The following BPTF variants were observed in gnomAD, a reference collection of about 807,000 sequenced individuals.
BPTF encodes bromodomain PHD finger transcription factor, also known as nucleosome-remodeling factor subunit BPTF.
Under a neutral mutation model 292.5 loss-of-function variants are expected in BPTF, and 18 were observed. The observed-to-expected ratio is 0.06, with a 90% confidence interval of 0.04 to 0.09. The LOEUF (loss-of-function observed/expected upper bound fraction) is 0.09. BPTF is among the 10% of genes least tolerant of loss of function. BPTF has a pLI of 1.00. For synonymous variants in BPTF, 1,225 were observed against 1,251.9 expected, an observed-to-expected ratio of 0.98 and a Z score of 0.45; for missense variants, 2,726 against 3,498.7, an observed-to-expected ratio of 0.78 and a Z score of 5.57.
intron 18 of BPTF, among the ~76,000 whole-genome samples, chr17:67,932,720 A>G (rs1201444930): frequency 1.3e-5 from 2 of 152,128 alleles, no homozygotes; most frequent in Non-Finnish European, 2.9e-5. Context: ...AAAAAAGTTG[A>G]AAATGTTAAA....
chr17:67,976,092 C>G, intron 27 of BPTF, 134 bp downstream of exon 27: 1 of 669,784 alleles, frequency 1.5e-6, no homozygotes, highest in Non-Finnish European at 2.3e-6. Context: ...ATAAATAAAT[C>G]AAGACTCCAG....
intron 26 of BPTF, among the ~76,000 whole-genome samples, chr17:67,970,138 CAGG>C (rs782000021): frequency 2.6e-4 from 40 of 151,854 alleles, no homozygotes; most frequent in Non-Finnish European, 4.7e-4. Context: ...GAGGCTGAGA[CAGG>C]AGAATTGCTT....
At chr17:67,968,630 T>G (rs2068398114) in intron 26 of BPTF, among the ~76,000 whole-genome samples, 1 of 150,328 alleles carries the variant, frequency 6.7e-6, no homozygotes, top group African/African-American at 2.5e-5. Context: ...CTACTAAAAA[T>G]ACAAAAAATT....
intron 4 of BPTF, among the ~76,000 whole-genome samples, chr17:67,890,599 T>C (rs1026818573): frequency 9.2e-5 from 14 of 152,124 alleles, no homozygotes; most frequent in Non-Finnish European, 5.9e-5. Context: ...TGCTGCTCGC[T>C]CCAAAGGGGC....
At position 67,920,040 on chromosome 17, in the gene BPTF, A is replaced by G; in HGVS notation, c.5454A>G (p.Thr1818=). 1.2e-6 allele frequency: 2 copies of G among 1,611,268 alleles called. No individual in the cohort carries two copies. Among genetic ancestry groups the G allele is most frequent in the Non-Finnish European group, 1.7e-6 (2 of 1,178,380 alleles). Residue 1818 remains threonine (T), a synonymous_variant, in exon 13 of 28, where the codon ACA becomes ACG. Coordinates refer to ENST00000306378, the MANE Select transcript of BPTF (RefSeq NM_182641.4). ...AAACATCCGAAACTGAAATCACAAC[A>G]ACAGAAATAATTAAGAGGAGAGATG... ...RTETSETEIT[T]TEIIKRRDVG...
Position 67,959,605 on chromosome 17 carries a change from C to A in BPTF, c.7991C>A (p.Thr2664Lys). 6.3e-7 allele frequency: 1 copy of A among 1,576,456 alleles called. No homozygotes were observed. The highest frequency in any genetic ancestry group is 8.6e-7 in the Non-Finnish European group (1 of 1,166,870). Residue 2664 changes from threonine to lysine, a missense_variant, in exon 24 of 28, where the codon ACA becomes AAA. Coordinates refer to ENST00000306378, the MANE Select transcript of BPTF (RefSeq NM_182641.4). ...GACCTGATGCAGTTGGCTCAGGCCA[C>A]AGCAGTAGCTGCACCCTGCCCCCCA... ...EKDLMQLAQA[T>K]AVAAPCPPVT... is the part of the protein sequence containing the mutation.
intron 4 of BPTF, chr17:67,875,519 G>A: frequency 1.4e-6 from 2 of 1,421,026 alleles, no homozygotes; most frequent in Non-Finnish European, 1.9e-6. Context: ...CAATTTTAAA[G>A]AATATCTTTG....
chr17:67,937,885 C>G (rs1268861606), intron 18 of BPTF, among the ~76,000 whole-genome samples: 2 of 152,178 alleles, frequency 1.3e-5, no homozygotes, highest in Non-Finnish European at 1.5e-5. Flanking sequence ...GAGGCCAAGG[C>G]GGGCGGATCA....
intron 26 of BPTF, among the ~76,000 whole-genome samples, chr17:67,966,995 G>C (rs2068178895): frequency 6.6e-6 from 1 of 151,416 alleles, no homozygotes; most frequent in Admixed American, 6.6e-5. Context: ...AGCTACTCAG[G>C]AGGCTGAGGC....
chr17:67,947,707 G>A lies in BPTF; in HGVS notation c.7618-19G>A. 6.5e-7 allele frequency: 1 copy of A among 1,546,228 alleles called. No individual in the cohort carries two copies. ...GGTGATTATAAAATATGCGCTTTTG[G>A]ATTTATTCTGTCCTGAAGGTGGTGA... On this transcript the variant is annotated intron_variant, in intron 21 of 27. Transcript: ENST00000306378.
intron 27 of BPTF, 55 bp downstream of exon 27, chr17:67,976,013 C>T (rs2069361108): frequency 1.5e-6 from 2 of 1,378,570 alleles, no homozygotes; most frequent in African/African-American, 2.9e-5. Flanking sequence ...ACTCTTTATA[C>T]TATTCTGTCT....
chr17:67,967,166 G>A (rs1370665546), intron 26 of BPTF, among the ~76,000 whole-genome samples: 15 of 149,644 alleles, frequency 1.0e-4, no homozygotes, highest in African/African-American at 2.5e-4. Context: ...TTAATGAGAC[G>A]ATGTCTTGCT....
chr17:67,964,858 G>A (rs1402515754), intron 25 of BPTF, among the ~76,000 whole-genome samples: 1 of 151,644 alleles, frequency 6.6e-6, no homozygotes, highest in Non-Finnish European at 1.5e-5. Flanking sequence ...AATTAGCTGG[G>A]CGTGGTGGCG....
At chr17:67,895,332 C>CAAA (rs35234780) in intron 7 of BPTF, among the ~76,000 whole-genome samples, 60 of 56,624 alleles carry the variant, frequency 1.1e-3, no homozygotes, top group African/African-American at 2.2e-3. Context: ...GACTTCATCT[C>CAAA]AAAAAAAAAA....
chr17:67,959,696 A>G lies in BPTF; in HGVS notation c.8082A>G (p.Gln2694=). ...CACCTCCCCCTCCACCTGCTGTGCA[A>G]CACACAGGCCTTCTGTCCACGCCCA... ...PPSPPPPPAV[Q]HTGLLSTPTL... is the part of the protein sequence containing the mutation. Residue 2694 remains glutamine, a synonymous_variant, in exon 24 of 28, where the codon CAA becomes CAG. Coordinates refer to ENST00000306378, the MANE Select transcript of BPTF (RefSeq NM_182641.4). The G allele has an allele frequency of 6.3e-7, 1 of 1,583,516 alleles. No individual in the cohort carries two copies. Among genetic ancestry groups the G allele is most frequent in the Non-Finnish European group, 8.6e-7 (1 of 1,159,926 alleles).
At chr17:67,933,963 G>A (rs1191567409) in intron 18 of BPTF, among the ~76,000 whole-genome samples, 2 of 151,816 alleles carry the variant, frequency 1.3e-5, no homozygotes. Flanking sequence ...AGAATTGCTC[G>A]AACTCAGGAG....
chr17:67,967,976 ACTT>A lies in BPTF; in HGVS notation c.8539+1327_8539+1329del, dbSNP rs782733933. ...TTGATCCTCTCATCCTTCTCCATTT[ACTT>A]CTTCTTTTTCTGAAGGAGAGTAAAT... On this transcript the variant is annotated intron_variant, in intron 26 of 27. Coordinates refer to ENST00000306378, the MANE Select transcript of BPTF (RefSeq NM_182641.4). Among the ~76,000 whole-genome samples, 12 of 151,548 alleles carry A rather than the reference ACTT, an allele frequency of 7.9e-5. 1 individual carries two copies. The highest frequency in any genetic ancestry group is 5.8e-4 in the East Asian group (3 of 5,178).
intron 7 of BPTF, among the ~76,000 whole-genome samples, chr17:67,901,838 A>G (rs2061866014): frequency 6.6e-6 from 1 of 152,226 alleles, no homozygotes; most frequent in Non-Finnish European, 1.5e-5. Flanking sequence ...CAGCATTTTC[A>G]GTGCAAGAAC....
At position 67,923,864 on chromosome 17, in the gene BPTF, T is replaced by A. The variant is rs533708940; in HGVS notation, c.5709-683T>A. ...ATCTTTATTTTTTATTTTATTTTAT[T>A]TTTGAGACAGTTTCACTCTGTCCCC... On this transcript the variant is annotated intron_variant, in intron 14 of 27. Transcript: ENST00000306378. Among the ~76,000 whole-genome samples, 15 of 152,110 alleles carry A rather than the reference T, an allele frequency of 9.9e-5. 1 individual carries two copies. In the South Asian group the frequency reaches 2.1e-3, roughly 21 times the overall value.
Sources: gnomAD v4.1 joint callset for allele counts (sites outside exome capture counted in the v4.1 genomes callset) on GRCh38, gnomAD v4.1.1 for gene constraint, MANE v1.5 for transcripts, NCBI Gene and HGNC (gene_info 2026-07-23, HGNC 2026-07-21) for gene names.